MMP26: variants seen among roughly 807,000 people sequenced by gnomAD.
The protein encoded by MMP26 is matrix metallopeptidase 26.
A neutral mutation model predicts 31.0 loss-of-function variants in MMP26; 33 were observed. The ratio of observed to expected loss-of-function variants is 1.06; its 90% CI spans 0.81 to 1.42. The LOEUF (loss-of-function observed/expected upper bound fraction) is 1.42. Among genes scored for constraint, MMP26 ranks in the 40% most tolerant of loss-of-function variants. The pLI, the probability that MMP26 is intolerant of heterozygous loss-of-function variation, is 0.00. For missense variants in MMP26, 347 were observed against 316.1 expected, an observed-to-expected ratio of 1.10 and a Z score of -0.74; for synonymous variants, 122 against 114.9, an observed-to-expected ratio of 1.06 and a Z score of -0.40.
chr11:4,958,996 T>C (rs12804154), intron 2 of MMP26, among the ~76,000 whole-genome samples: 19,859 of 151,840 alleles, frequency 0.13, 1,412 homozygotes, highest in South Asian at 0.17. Context: ...CCCACCACTT[T>C]GGGAGGCCGA....
intron 2 of MMP26, among the ~76,000 whole-genome samples, chr11:4,805,182 C>G (rs1263342363): frequency 6.6e-6 from 1 of 152,112 alleles, no homozygotes; most frequent in Non-Finnish European, 1.5e-5. Context: ...GTTTGCAAGC[C>G]TATAGCAATT....
rs974108006 is a variant in MMP26, at chr11:4,848,140, T to G, written c.-145+80799T>G. The G allele has an allele frequency of 3.1e-6, 4 of 1,278,556 alleles. No homozygotes were observed. The African/African-American group carries it at 6.0e-5, about 19-fold the overall frequency. The allele number at this position is 1,278,556 out of a possible 1,614,324, so 79.2% of individuals were successfully genotyped here. On this transcript the variant is annotated intron_variant, in intron 2 of 7. Coordinates refer to ENST00000380390, the MANE Select transcript of MMP26 (RefSeq NM_021801.5). ...CTACATGCACATATATGCACTTATGTGTACGTGAATGATCATTTCATGCTT... is the reference window on the plus strand; with the variant it reads ...CTACATGCACATATATGCACTTATGGGTACGTGAATGATCATTTCATGCTT...
intron 2 of MMP26, among the ~76,000 whole-genome samples, chr11:4,959,106 C>T (rs558823781): frequency 5.1e-4 from 77 of 151,934 alleles, no homozygotes; most frequent in African/African-American, 1.8e-3. Flanking sequence ...GGCGTGGTGG[C>T]GGGCGCCTGT....
chr11:4,746,739 C>A (rs1715284470), intron 1 of MMP26, among the ~76,000 whole-genome samples: 1 of 151,524 alleles, frequency 6.6e-6, no homozygotes, highest in Non-Finnish European at 1.5e-5. Context: ...GAGGCAGAGG[C>A]AGGAGAATCA....
chr11:4,972,372 T>G (rs1203046461), intron 2 of MMP26, among the ~76,000 whole-genome samples: 8 of 152,218 alleles, frequency 5.3e-5, no homozygotes, highest in Admixed American at 4.6e-4. Context: ...GAAAATGACA[T>G]TTCATGTTAA....
chr11:4,885,371 TGCCACAGTAGTCCCATAA>T (rs1850533609), intron 2 of MMP26, among the ~76,000 whole-genome samples: 1 of 152,184 alleles, frequency 6.6e-6, no homozygotes, highest in Non-Finnish European at 1.5e-5. Context: ...GGGCCTCATA[TGCCACAGTAGTCCCATAA>T]GACTATAATA....
chr11:4,848,354 A>G (rs761934961), intron 2 of MMP26: 1 of 1,614,148 alleles, frequency 6.2e-7, no homozygotes, highest in South Asian at 1.1e-5. Flanking sequence ...GGAAATGGAC[A>G]TAGGATAGAA....
chr11:4,715,179 G>A (rs561330027), intron 1 of MMP26, among the ~76,000 whole-genome samples: 1 of 152,042 alleles, frequency 6.6e-6, no homozygotes, highest in African/African-American at 2.4e-5. Context: ...TCAAGGTATT[G>A]GGAATATAAC....
intron 2 of MMP26, among the ~76,000 whole-genome samples, chr11:4,778,075 G>A (rs1423176325): frequency 4.6e-5 from 7 of 152,094 alleles, no homozygotes; most frequent in Admixed American, 4.6e-4. Flanking sequence ...CTCCCACAGT[G>A]TATATGGCAG....
At chr11:4,907,246 T>C in intron 2 of MMP26, 1 of 611,968 alleles carries the variant, frequency 1.6e-6, no homozygotes, top group East Asian at 2.7e-5. Flanking sequence ...CAGCCAAATA[T>C]GCCTTTGAGT....
chr11:4,984,947 G>C lies in MMP26; in HGVS notation c.-144-3121G>C, dbSNP rs558905036. 8.5e-5 allele frequency among the ~76,000 whole-genome samples: 13 copies of C among 152,262 alleles called. No individual in the cohort carries two copies. The South Asian group carries it at 2.3e-3, about 27-fold the overall frequency. On this transcript the variant is annotated intron_variant, in intron 2 of 7. Coordinates refer to ENST00000380390, the MANE Select transcript of MMP26 (RefSeq NM_021801.5). ...TCAGAACACCGGAGAAAGTGTGAGA[G>C]ACTTAGAGGATTTTTTTTTATTTTT...
intron 2 of MMP26, among the ~76,000 whole-genome samples, chr11:4,920,163 G>A (rs142205393): frequency 2.6e-4 from 39 of 152,214 alleles, no homozygotes; most frequent in Non-Finnish European, 5.6e-4. Context: ...CTGTCTTTAT[G>A]GGACCTTTTT....
At chr11:4,804,291 A>G (rs1849232646) in intron 2 of MMP26, 1 of 1,613,996 alleles carries the variant, frequency 6.2e-7, no homozygotes, top group African/African-American at 1.3e-5. Context: ...ACGGAAAGGC[A>G]ATCCACAACT....
At chr11:4,716,177 C>G (rs2133270018) in intron 1 of MMP26, among the ~76,000 whole-genome samples, 1 of 152,280 alleles carries the variant, frequency 6.6e-6, no homozygotes, top group Non-Finnish European at 1.5e-5. Flanking sequence ...AGAACAATCT[C>G]CAATTGTTCC....
chr11:4,902,781 T>C (rs951174498), intron 2 of MMP26, among the ~76,000 whole-genome samples: 2 of 152,204 alleles, frequency 1.3e-5, no homozygotes, highest in Non-Finnish European at 2.9e-5. Flanking sequence ...ATTTATCTTA[T>C]GGGAGTTGAT....
chr11:4,963,423 C>T (rs1846548063), intron 2 of MMP26, among the ~76,000 whole-genome samples: 1 of 152,150 alleles, frequency 6.6e-6, no homozygotes, highest in Admixed American at 6.5e-5. Context: ...GCCCATATAG[C>T]CAAGACAATC....
intron 2 of MMP26, among the ~76,000 whole-genome samples, chr11:4,924,598 C>A (rs1180089895): frequency 6.6e-6 from 1 of 152,130 alleles, no homozygotes; most frequent in Non-Finnish European, 1.5e-5. Flanking sequence ...TTGGAAGAAT[C>A]TTGGACTTCA....
intron 2 of MMP26, among the ~76,000 whole-genome samples, chr11:4,952,060 C>T (rs977941246): frequency 3.2e-5 from 4 of 124,510 alleles, no homozygotes; most frequent in South Asian, 2.4e-4. Flanking sequence ...AGAATGTTTA[C>T]GTTTCTTTAA....
intron 2 of MMP26, chr11:4,955,819 A>G: frequency 2.3e-6 from 2 of 851,818 alleles, no homozygotes; most frequent in Non-Finnish European, 3.7e-6. Flanking sequence ...TTAGTAGAAA[A>G]AAAGCAGTGT....
Sources: gnomAD v4.1 joint callset for allele counts (sites outside exome capture counted in the v4.1 genomes callset) on GRCh38, gnomAD v4.1.1 for gene constraint, MANE v1.5 for transcripts, NCBI Gene and HGNC (gene_info 2026-07-23, HGNC 2026-07-21) for gene names.